Variants in MACROD2 observed in about 807,000 individuals in gnomAD.
The protein encoded by MACROD2 is mono-ADP ribosylhydrolase 2, also known as ADP-ribose glycohydrolase MACROD2.
A neutral mutation model predicts 70.4 loss-of-function variants in MACROD2; 36 were observed. That is an observed-to-expected ratio of 0.51 (90% CI 0.39 to 0.68). The LOEUF is 0.68. MACROD2 is among the 30% of genes least tolerant of loss of function. The probability of loss-of-function intolerance (pLI) is 0.00; values close to 1 mark genes in which losing one functional copy is unlikely to be tolerated. For missense variants in MACROD2, 496 were observed against 538.4 expected (o/e 0.92, Z 0.78); for synonymous variants, 172 against 178.8 (o/e 0.96, Z 0.30).
chr20:14,987,379 A>G (rs565923229), intron 5 of MACROD2, among the ~76,000 whole-genome samples: 1 of 152,260 alleles, frequency 6.6e-6, no homozygotes, highest in African/African-American at 2.4e-5. Context: ...TGTTACTATT[A>G]TTACTGGGAT....
At chr20:14,145,109 C>T (rs1317055438) in intron 3 of MACROD2, among the ~76,000 whole-genome samples, 1 of 152,148 alleles carries the variant, frequency 6.6e-6, no homozygotes, top group Admixed American at 6.6e-5. Context: ...TGTATAGATA[C>T]ATTAATTATG....
chr20:14,289,928 G>A lies in MACROD2; in HGVS notation c.272-203551G>A, dbSNP rs2082372376. ...ATAATAATTTATTAATTCCAAAATA[G>A]ATAAAGTTGTCAGCATTCTGGAGAT... On this transcript the variant is annotated intron_variant, in intron 3 of 17. Coordinates refer to ENST00000684519, the MANE Select transcript of MACROD2 (RefSeq NM_001351661.2). Among the ~76,000 whole-genome samples the A allele has an allele frequency of 3.3e-5, 5 of 152,152 alleles. No homozygotes were observed. The South Asian group carries it at 1.0e-3, about 31-fold the overall frequency.
chr20:16,038,111 A>G (rs1320535598), intron 15 of MACROD2, among the ~76,000 whole-genome samples: 5 of 151,506 alleles, frequency 3.3e-5, no homozygotes, highest in African/African-American at 1.2e-4. Context: ...TTTGTTATGA[A>G]TTTATCTATA....
intron 4 of MACROD2, among the ~76,000 whole-genome samples, chr20:14,629,804 C>A (rs967931440): frequency 1.3e-4 from 20 of 152,046 alleles, no homozygotes; most frequent in Admixed American, 2.6e-4. Flanking sequence ...CCTAAAGAAC[C>A]CTGGTCTCTT....
chr20:14,604,489 C>A (rs1982680526), intron 4 of MACROD2, among the ~76,000 whole-genome samples: 1 of 152,284 alleles, frequency 6.6e-6, no homozygotes, highest in South Asian at 2.1e-4. Context: ...ATCATTATTT[C>A]CCAAACTAGG....
intron 5 of MACROD2, among the ~76,000 whole-genome samples, chr20:14,717,015 T>A (rs1163150504): frequency 3.3e-5 from 5 of 152,070 alleles, no homozygotes; most frequent in East Asian, 1.9e-4. Flanking sequence ...TCTTCATTTT[T>A]AAAAAATTTA....
chr20:15,801,320 G>T (rs2063724357), intron 8 of MACROD2, among the ~76,000 whole-genome samples: 1 of 152,008 alleles, frequency 6.6e-6, no homozygotes, highest in Non-Finnish European at 1.5e-5. Context: ...GGATAGTTGG[G>T]CTGGAGCAGA....
At chr20:15,153,433 T>C (rs199293) in intron 5 of MACROD2, among the ~76,000 whole-genome samples, 89,478 of 151,790 alleles carry the variant, frequency 0.59, 26,533 homozygotes, top group East Asian at 0.65. Context: ...AGGCAGGAAC[T>C]GGCCATCTGG....
chr20:14,049,744 A>G (rs887020866), intron 2 of MACROD2, among the ~76,000 whole-genome samples: 1 of 151,294 alleles, frequency 6.6e-6, no homozygotes, highest in African/African-American at 2.4e-5. Context: ...TGACAAGAAC[A>G]AGACTGTCTC....
intron 8 of MACROD2, among the ~76,000 whole-genome samples, chr20:15,737,262 T>C (rs2051036850): frequency 6.6e-6 from 1 of 152,222 alleles, no homozygotes; most frequent in African/African-American, 2.4e-5. Context: ...CTCTAAACAC[T>C]AGTTGGCATG....
intron 5 of MACROD2, among the ~76,000 whole-genome samples, chr20:14,825,161 G>A (rs528233268): frequency 3.9e-5 from 6 of 152,138 alleles, no homozygotes; most frequent in African/African-American, 1.2e-4. Context: ...CTTACCACCC[G>A]ATAAGTCTGT....
At chr20:15,338,529 G>A (rs2078073875) in intron 6 of MACROD2, among the ~76,000 whole-genome samples, 2 of 151,528 alleles carry the variant, frequency 1.3e-5, no homozygotes, top group South Asian at 2.1e-4. Context: ...CCTAAAACAG[G>A]ATGCTAAGAA....
At chr20:15,817,753 A>T (rs555651652) in intron 8 of MACROD2, among the ~76,000 whole-genome samples, 45 of 152,066 alleles carry the variant, frequency 3.0e-4, no homozygotes, top group African/African-American at 1.1e-3. Flanking sequence ...CCTCCTCTCC[A>T]TCTCACCCTT....
chr20:15,995,754 A>G (rs1208140278), intron 15 of MACROD2, among the ~76,000 whole-genome samples: 1 of 147,770 alleles, frequency 6.8e-6, no homozygotes, highest in African/African-American at 2.5e-5. Context: ...CTCAAGTTTC[A>G]TCCATGTTGT....
chr20:14,615,780 T>C (rs1391346285), intron 4 of MACROD2, among the ~76,000 whole-genome samples: 1 of 151,962 alleles, frequency 6.6e-6, no homozygotes, highest in African/African-American at 2.4e-5. Context: ...AACAAGCCAA[T>C]GAAATAAACT....
intron 3 of MACROD2, among the ~76,000 whole-genome samples, chr20:14,282,121 C>G (rs1380807256): frequency 2.6e-5 from 4 of 151,858 alleles, no homozygotes. Flanking sequence ...ATGTTTGCTT[C>G]TACATTCAAT....
intron 5 of MACROD2, among the ~76,000 whole-genome samples, chr20:15,036,825 A>G (rs908894836): frequency 6.6e-6 from 1 of 152,112 alleles, no homozygotes; most frequent in South Asian, 2.1e-4. Context: ...AAGTTTGCAC[A>G]TCAAAAACCC....
chr20:15,583,791 G>A (rs979037320), intron 8 of MACROD2, among the ~76,000 whole-genome samples: 2 of 152,128 alleles, frequency 1.3e-5, no homozygotes, highest in Non-Finnish European at 2.9e-5. Context: ...TTACAGGTGT[G>A]TGCCACCACG....
intron 8 of MACROD2, among the ~76,000 whole-genome samples, chr20:15,742,109 T>C (rs566969598): frequency 4.6e-5 from 7 of 152,218 alleles, no homozygotes; most frequent in Non-Finnish European, 8.8e-5. Context: ...CATTAATGAC[T>C]GATTTATTCT....
Sources: gnomAD v4.1 joint callset for allele counts (sites outside exome capture counted in the v4.1 genomes callset) on GRCh38, gnomAD v4.1.1 for gene constraint, MANE v1.5 for transcripts, NCBI Gene and HGNC (gene_info 2026-07-23, HGNC 2026-07-21) for gene names.